Variants in WSCD2 observed in about 807,000 individuals in gnomAD.
WSCD2 encodes sialate:O-sulfotransferase 2.
WSCD2 carries 28 observed loss-of-function variants against 55.7 expected under a neutral mutation model. The ratio of observed to expected loss-of-function variants is 0.50; its 90% CI spans 0.37 to 0.69. The LOEUF is 0.69. Among genes scored for constraint, WSCD2 ranks in the 30% least tolerant of loss-of-function variants. The pLI is 0.00. For synonymous variants in WSCD2, 301 were observed against 301.9 expected (o/e 1.00, Z 0.03); for missense variants, 616 against 762.1 (o/e 0.81, Z 2.26).
At chr12:108,240,319 G>C (rs773656879) in intron 7 of WSCD2, 25 bp from the exon 8 acceptor site, 2 of 1,613,262 alleles carry the variant, frequency 1.2e-6, no homozygotes, top group Non-Finnish European at 1.7e-6. Context: ...CACCAGTCCT[G>C]TTCCTCACCT....
rs1355273645 is a variant in WSCD2 at position 108,250,396 on chromosome 12, T to C, written c.*2053T>C. On this transcript the variant is annotated 3_prime_UTR_variant, in exon 9 of 9. Coordinates refer to ENST00000547525, the MANE Select transcript of WSCD2 (RefSeq NM_014653.4). ...CGTGCCTCTGTGTGTAAAATTGCCTTTGTGTTCTCCTGCCTTTCTATGTTT... is the reference window on the plus strand; with the variant it reads ...CGTGCCTCTGTGTGTAAAATTGCCTCTGTGTTCTCCTGCCTTTCTATGTTT... The C allele has an allele frequency of 6.6e-6, 1 of 152,228 alleles. No homozygotes were observed. The highest frequency in any genetic ancestry group is 1.9e-4 in the East Asian group (1 of 5,184). The allele number at this position is 152,228 out of a possible 1,614,324, so 9.4% of individuals were successfully genotyped here.
At chr12:108,140,066 A>G (rs1457104572) in intron 1 of WSCD2, among the ~76,000 whole-genome samples, 2 of 152,204 alleles carry the variant, frequency 1.3e-5, no homozygotes, top group Non-Finnish European at 2.9e-5. Context: ...GAGAGTTCTC[A>G]GCCCAGGGCA....
rs1883811677 is a variant in WSCD2 at position 108,195,617 on chromosome 12, T to A, written c.-216T>A. The A allele has an allele frequency of 6.3e-6, 4 of 629,958 alleles. No homozygotes were observed. In the South Asian group the frequency reaches 1.0e-4, roughly 16 times the overall value. The allele number at this position is 629,958 out of a possible 1,614,324, so 39.0% of individuals were successfully genotyped here. A position where few individuals can be genotyped will look rare whatever the true frequency, so the allele number is the denominator to read the frequency against. ...GGCCCAAAGAAGCTCACCTTCAGTT[T>A]GGGAGGGCTGGTAAGCTCCATCCTT... is the stretch of plus-strand genomic sequence containing the variant. On this transcript the variant is annotated 5_prime_UTR_variant, in exon 2 of 9. An upstream open reading frame in the 5' UTR gains an earlier in-frame stop. Transcript: ENST00000547525.
intron 1 of WSCD2, among the ~76,000 whole-genome samples, chr12:108,133,438 C>G (rs998413738): frequency 6.6e-6 from 1 of 152,056 alleles, no homozygotes; most frequent in African/African-American, 2.4e-5. Context: ...TTGTGCATGT[C>G]TGTGTGTATG....
At chr12:108,211,554 C>T (rs968710576) in intron 4 of WSCD2, among the ~76,000 whole-genome samples, 1 of 151,440 alleles carries the variant, frequency 6.6e-6, no homozygotes, top group Non-Finnish European at 1.5e-5. Context: ...AGAGAAGGGC[C>T]TCTTGCATGT....
intron 4 of WSCD2, among the ~76,000 whole-genome samples, chr12:108,213,457 T>G (rs1886465525): frequency 6.6e-6 from 1 of 152,184 alleles, no homozygotes; most frequent in African/African-American, 2.4e-5. Flanking sequence ...TGGAAGCACC[T>G]TTCTCACTGA....
chr12:108,147,539 A>C (rs1002746155), intron 1 of WSCD2, among the ~76,000 whole-genome samples: 1 of 152,152 alleles, frequency 6.6e-6, no homozygotes, highest in Non-Finnish European at 1.5e-5. Context: ...GGACGCTTGG[A>C]TTGGGCTGCC....
Position 108,244,160 on chromosome 12 carries a change from A to T in WSCD2, c.1345+3616A>T, listed in dbSNP as rs545686075. 1.1e-3 allele frequency among the ~76,000 whole-genome samples: 172 copies of T among 152,328 alleles called. 2 individuals carry two copies. Among genetic ancestry groups the T allele is most frequent in the Non-Finnish European group, 2.2e-3 (149 of 68,036 alleles). On this transcript the variant is annotated intron_variant, in intron 8 of 8. Transcript: ENST00000547525. ...CCTGTGCCCCGCCAGGCACACCTGT[A>T]TGACAGTTCCGGTGGAACCAGAACT...
In WSCD2 at chr12:108,195,710, A is replaced by C; in HGVS notation, c.-123A>C. On this transcript the variant is annotated 5_prime_UTR_variant, in exon 2 of 9. Transcript: ENST00000547525. ...GGCCTTGGTGATCACTTTTTCAGGA[A>C]GAGTGAGACTGAGGACCCCCAAGTG... 1 of 1,350,812 alleles carries C rather than the reference A, an allele frequency of 7.4e-7. No individual in the cohort carries two copies. The highest frequency in any genetic ancestry group is 1.5e-5 in the South Asian group (1 of 65,982). 83.7% of individuals were successfully genotyped at this position (1,350,812 alleles called of 1,614,324 possible).
intron 1 of WSCD2, among the ~76,000 whole-genome samples, chr12:108,135,449 TG>T (rs770243396): frequency 2.0e-5 from 3 of 152,216 alleles, no homozygotes; most frequent in Non-Finnish European, 4.4e-5. Context: ...CAAAGTAATT[TG>T]GCAAAGTCCT....
chr12:108,181,460 A>G (rs1176655572), intron 1 of WSCD2, among the ~76,000 whole-genome samples: 1 of 152,152 alleles, frequency 6.6e-6, no homozygotes. Flanking sequence ...CTCTGTGCCT[A>G]TCAGCCCTCT....
chr12:108,172,746 G>T (rs7971984), intron 1 of WSCD2, among the ~76,000 whole-genome samples: 2 of 152,134 alleles, frequency 1.3e-5, no homozygotes, highest in African/African-American at 4.8e-5. Flanking sequence ...CCACCACCTC[G>T]ATTTTGGACT....
At chr12:108,173,509 C>T (rs545572573) in intron 1 of WSCD2, among the ~76,000 whole-genome samples, 1 of 143,520 alleles carries the variant, frequency 7.0e-6, no homozygotes, top group African/African-American at 2.5e-5. Context: ...TCATCCTATC[C>T]CTTGGTCGGG....
intron 1 of WSCD2, among the ~76,000 whole-genome samples, chr12:108,156,763 CT>C (rs1167835985): frequency 6.6e-6 from 1 of 152,224 alleles, no homozygotes; most frequent in Admixed American, 6.5e-5. Flanking sequence ...TCAGTCATTA[CT>C]GAGGCTCCTC....
At chr12:108,179,070 T>G (rs564210812) in intron 1 of WSCD2, among the ~76,000 whole-genome samples, 1 of 152,350 alleles carries the variant, frequency 6.6e-6, no homozygotes, top group Non-Finnish European at 1.5e-5. Context: ...GTCCCCTCAC[T>G]GAGGATCAAA....
intron 4 of WSCD2, 116 bp from the exon 5 acceptor site, chr12:108,224,623 C>T: frequency 7.1e-7 from 1 of 1,401,180 alleles, no homozygotes; most frequent in Non-Finnish European, 9.6e-7. Context: ...CTTTGGCTTG[C>T]TCTGTGACCT....
intron 7 of WSCD2, among the ~76,000 whole-genome samples, chr12:108,234,442 G>A (rs888217735): frequency 5.3e-5 from 8 of 152,218 alleles, no homozygotes; most frequent in African/African-American, 1.7e-4. Flanking sequence ...GGTCAGGCAG[G>A]GGAAGCTGCT....
At chr12:108,157,827 A>G (rs560506612) in intron 1 of WSCD2, among the ~76,000 whole-genome samples, 10 of 152,264 alleles carry the variant, frequency 6.6e-5, no homozygotes, top group African/African-American at 2.4e-4. Flanking sequence ...TGCAAACACT[A>G]TCTCCTGCCC....
intron 1 of WSCD2, among the ~76,000 whole-genome samples, chr12:108,187,041 C>T (rs1302583188): frequency 2.0e-5 from 3 of 152,180 alleles, no homozygotes; most frequent in African/African-American, 7.2e-5. Flanking sequence ...CTGGTGACAG[C>T]TCCTGAGGCT....
Sources: gnomAD v4.1 joint callset for allele counts (sites outside exome capture counted in the v4.1 genomes callset) on GRCh38, gnomAD v4.1.1 for gene constraint, MANE v1.5 for transcripts, NCBI Gene and HGNC (gene_info 2026-07-23, HGNC 2026-07-21) for gene names.